Variants in CCDC88C observed in about 807,000 individuals in gnomAD.
CCDC88C encodes the protein protein Daple.
Under a neutral mutation model 198.8 loss-of-function variants are expected in CCDC88C, and 131 were observed. The observed-to-expected ratio is 0.66, with a 90% CI of 0.57 to 0.76. CCDC88C has a LOEUF of 0.76. Ranked by LOEUF, CCDC88C falls within the 30% of genes least tolerant of loss-of-function variation. The pLI is 0.00. For missense variants in CCDC88C, 2,553 were observed against 2,631.6 expected (o/e 0.97, Z 0.65); for synonymous variants, 1,166 against 1,114.7 (o/e 1.05, Z -0.92).
intron 10 of CCDC88C, among the ~76,000 whole-genome samples, chr14:91,326,682 G>T (rs911148503): frequency 1.3e-5 from 2 of 152,178 alleles, no homozygotes; most frequent in African/African-American, 2.4e-5. Context: ...GAAGGAGTGG[G>T]GTTGAGAGTC....
chr14:91,389,714 T>A, intron 3 of CCDC88C, among the ~76,000 whole-genome samples: 1 of 137,570 alleles, frequency 7.3e-6, no homozygotes, highest in Non-Finnish European at 1.6e-5. Flanking sequence ...ACCCTGGCTC[T>A]ATTTAAAAAA....
intron 3 of CCDC88C, among the ~76,000 whole-genome samples, chr14:91,404,333 T>C (rs34854034): frequency 0.14 from 21,151 of 152,144 alleles, 1,878 homozygotes; most frequent in Admixed American, 0.2. Flanking sequence ...CGGTGAGACG[T>C]GAATCTGGTG....
chr14:91,277,990 A>T lies in CCDC88C; in HGVS notation c.4990T>A (p.Ser1664Thr), dbSNP rs764532331. Residue 1664 changes from serine to threonine, a missense_variant, in exon 29 of 30, where the codon TCC (serine) becomes ACC (threonine). Physicochemically the swap from Ser to Thr is moderately conservative, Grantham distance 58 (BLOSUM62 1). Transcript: ENST00000389857. ...PYVGVRPCSA[S>T]PSSEMVTLEE... ...AAGGTGACCATCTCACTGCTGGGGG[A>T]GGCCGAGCAGGGCCGCACTCCGACG... The T allele has an allele frequency of 1.2e-5, 19 of 1,566,932 alleles. No individual in the cohort carries two copies. Among genetic ancestry groups the T allele is most frequent in the Admixed American group, 1.9e-5 (1 of 53,786 alleles).
At chr14:91,359,796 C>T (rs1173638864) in intron 3 of CCDC88C, 85 bp from the exon 4 acceptor site, 1 of 1,258,718 alleles carries the variant, frequency 7.9e-7, no homozygotes, top group Non-Finnish European at 1.1e-6. Context: ...GTAATGAAGC[C>T]CCCGGACGGG....
chr14:91,408,568 C>A, intron 3 of CCDC88C, 91 bp downstream of exon 3: 1 of 805,386 alleles, frequency 1.2e-6, no homozygotes, highest in Non-Finnish European at 2.2e-6. Context: ...AACATAAGCA[C>A]CGTTTCCTCC....
rs748826656 is a variant in CCDC88C at position 91,313,914 on chromosome 14, C to T, written c.1902G>A (p.Glu634=). The change falls in exon 15 of 30, where the codon GAG becomes GAA. Residue 634 remains glutamate, a synonymous_variant. Transcript: ENST00000389857. The surrounding 1 kb of genome is among the most constrained non-coding windows in gnomAD (Gnocchi z 5.2). Reference sequence around the variant, plus strand: ...CCTCCTGGAGTCGCTGTAGCTCCCTCTCCAGCTTCTCTGCCCGCTCCCCCT... The same window carrying T: ...CCTCCTGGAGTCGCTGTAGCTCCCTTTCCAGCTTCTCTGCCCGCTCCCCCT... ...KEKGERAEKL[E]RELQRLQEEN... is the part of the protein sequence containing the mutation. The T allele has an allele frequency of 2.5e-6, 4 of 1,612,298 alleles. No homozygotes were observed. Among genetic ancestry groups the T allele is most frequent in the Non-Finnish European group, 3.4e-6 (4 of 1,179,794 alleles).
At chr14:91,372,480 A>T (rs965971870) in intron 3 of CCDC88C, among the ~76,000 whole-genome samples, 1 of 128,616 alleles carries the variant, frequency 7.8e-6, no homozygotes, top group East Asian at 2.6e-4. Flanking sequence ...GGAAGCTGAA[A>T]TGGGAAAGAA....
At chr14:91,367,319 T>C (rs1458204440) in intron 3 of CCDC88C, among the ~76,000 whole-genome samples, 1 of 152,156 alleles carries the variant, frequency 6.6e-6, no homozygotes, top group Non-Finnish European at 1.5e-5. Context: ...GAGACCAAGA[T>C]GGTCCAAACA....
rs578251215 is a variant in CCDC88C, at chr14:91,404,323, C to T, written c.270+4336G>A. 4.1e-4 allele frequency among the ~76,000 whole-genome samples: 63 copies of T among 152,302 alleles called. No individual in the cohort carries two copies. In the South Asian group the frequency reaches 8.3e-3, roughly 20 times the overall value. On this transcript the variant is annotated intron_variant, in intron 3 of 29. Transcript: ENST00000389857. ...GAGACCCTGCCTTCCTGTCCTGGGG[C>T]GGTGAGACGTGAATCTGGTGTATGT...
chr14:91,387,946 T>C (rs1490119660), intron 3 of CCDC88C, among the ~76,000 whole-genome samples: 1 of 152,160 alleles, frequency 6.6e-6, no homozygotes, highest in African/African-American at 2.4e-5. Context: ...CCAAGCCCAC[T>C]TGGGCCAGTT....
At chr14:91,380,549 C>CATCT (rs10665247) in intron 3 of CCDC88C, among the ~76,000 whole-genome samples, 135,162 of 151,910 alleles carry the variant, frequency 0.89, 60,627 homozygotes, top group Non-Finnish European at 0.94. Flanking sequence ...AGATTGGCTC[C>CATCT]ATCTTTTTTC....
intron 3 of CCDC88C, among the ~76,000 whole-genome samples, chr14:91,407,773 G>A (rs968300899): frequency 6.6e-6 from 1 of 152,110 alleles, no homozygotes; most frequent in African/African-American, 2.4e-5. Context: ...AGGCTGGGAT[G>A]GGTTTTGGGT....
chr14:91,400,887 A>G (rs1293820311), intron 3 of CCDC88C, among the ~76,000 whole-genome samples: 1 of 152,186 alleles, frequency 6.6e-6, no homozygotes, highest in Admixed American at 6.5e-5. Flanking sequence ...CTGCTAAGGA[A>G]ATAAGAACAT....
intron 3 of CCDC88C, among the ~76,000 whole-genome samples, chr14:91,392,391 C>T (rs542946859): frequency 6.6e-6 from 1 of 152,186 alleles, no homozygotes; most frequent in South Asian, 2.1e-4. Flanking sequence ...TTCAACCACC[C>T]AGAGCAGGGA....
At chr14:91,403,582 T>C in intron 3 of CCDC88C, among the ~76,000 whole-genome samples, 1 of 152,218 alleles carries the variant, frequency 6.6e-6, no homozygotes, top group East Asian at 1.9e-4. Flanking sequence ...TTCAAGGCTC[T>C]TAATGAAAAA....
chr14:91,339,206 A>G lies in CCDC88C; in HGVS notation c.809+72T>C, dbSNP rs891707924. The G allele has an allele frequency of 2.1e-5, 33 of 1,549,410 alleles. No individual in the cohort carries two copies. Among genetic ancestry groups the G allele is most frequent in the Non-Finnish European group, 2.9e-5 (33 of 1,135,238 alleles). On this transcript the variant is annotated intron_variant, in intron 8 of 29. Transcript: ENST00000389857. This position sits in a 1 kb window ranked among gnomAD's most constrained non-coding sequence, Gnocchi z 5.8. Reference sequence around the variant, plus strand: ...AGCTGTGCCATTGGCAGCACCACACATGTGAGTCGACACCACACCAGAAAC... The same window carrying G: ...AGCTGTGCCATTGGCAGCACCACACGTGTGAGTCGACACCACACCAGAAAC...
At chr14:91,302,096 G>A (rs1179395785) in intron 20 of CCDC88C, among the ~76,000 whole-genome samples, 2 of 152,208 alleles carry the variant, frequency 1.3e-5, no homozygotes, top group African/African-American at 4.8e-5. Flanking sequence ...CAAAAAGGAA[G>A]CACTTGGCAA....
intron 17 of CCDC88C, among the ~76,000 whole-genome samples, chr14:91,307,833 G>C (rs1374758961): frequency 6.6e-6 from 1 of 152,132 alleles, no homozygotes; most frequent in Non-Finnish European, 1.5e-5. Flanking sequence ...TGTGTGTAGA[G>C]AGCATGCATG....
intron 10 of CCDC88C, among the ~76,000 whole-genome samples, chr14:91,328,502 A>C (rs1390815316): frequency 6.6e-6 from 1 of 152,184 alleles, no homozygotes; most frequent in Non-Finnish European, 1.5e-5. Context: ...GGCTATTTAA[A>C]GGCCCGACCC....
Sources: allele counts gnomAD v4.1 joint callset (sites outside exome capture counted in the v4.1 genomes callset), GRCh38; gene constraint gnomAD v4.1.1; non-coding constraint Gnocchi (gnomAD v3.1); transcripts MANE v1.5; gene names NCBI Gene and HGNC (gene_info 2026-07-23, HGNC 2026-07-21).